Variants in MLH3 observed in about 807,000 individuals in gnomAD.
MLH3 encodes the protein mutL homolog 3.
A neutral mutation model predicts 122.2 loss-of-function variants in MLH3; 82 were observed. That is an observed-to-expected ratio of 0.67 (90% CI 0.56 to 0.81). The LOEUF is 0.81. Ranked by LOEUF, MLH3 falls within the 30% of genes least tolerant of loss-of-function variation. The pLI is 0.00. For synonymous variants in MLH3, 524 were observed against 599.5 expected (o/e 0.87, Z 1.84); for missense variants, 1,539 against 1,714.5 (o/e 0.90, Z 1.81).
chr14:75,049,636 A>G lies in MLH3; in HGVS notation c.20T>C (p.Val7Ala), dbSNP rs1249743272. MIKCLS[V>A]EVQAKLRSGL... ...AGAACGCAATTTGGCTTGTACTTCA[A>G]CTGACAAGCACTTGATCATGGTAGG... Residue 7 changes from valine (V) to alanine (A), a missense_variant, in exon 2 of 13, where the codon GTT (valine) becomes GCT (alanine). Physicochemically the swap from Val to Ala is moderately conservative, Grantham distance 64. Transcript: ENST00000355774. The G allele has an allele frequency of 1.2e-6, 2 of 1,614,020 alleles. No homozygotes were observed. The highest frequency in any genetic ancestry group is 1.3e-5 in the African/African-American group (1 of 74,928).
chr14:75,039,881 A>G (rs1249404841), intron 5 of MLH3, 30 bp downstream of exon 5: 1 of 616,460 alleles, frequency 1.6e-6, no homozygotes, highest in East Asian at 4.7e-5. Context: ...ATATATATAT[A>G]TTTATGAGAT....
chr14:75,048,157 G>C lies in MLH3; in HGVS notation c.1499C>G (p.Pro500Arg), dbSNP rs749032216. The change falls in exon 2 of 13, where the codon CCG becomes CGG. Residue 500 changes from proline (P) to arginine (R), a missense_variant. Physicochemically the swap from Pro to Arg is moderately radical, Grantham distance 103 (BLOSUM62 -2). Transcript: ENST00000355774. ...AAACATTTCTAAACTGGTTCCACACGGATTTTCTAAAGAGCTATGTTCCAG... is the reference window on the plus strand; with the variant it reads ...AAACATTTCTAAACTGGTTCCACACCGATTTTCTAAAGAGCTATGTTCCAG... ...SFLEHSSLEN[P>R]CGTSLEMFLS... is the part of the protein sequence containing the mutation. The C allele has an allele frequency of 6.2e-7, 1 of 1,614,056 alleles. No homozygotes were observed. The highest frequency in any genetic ancestry group is 8.5e-7 in the Non-Finnish European group (1 of 1,179,978).
At chr14:75,046,115 G>A (rs1892192441) in intron 2 of MLH3, among the ~76,000 whole-genome samples, 1 of 151,262 alleles carries the variant, frequency 6.6e-6, no homozygotes, top group African/African-American at 2.4e-5. Flanking sequence ...GGGGGGCAGA[G>A]GTTGCAGTGA....
intron 5 of MLH3, 36 bp downstream of exon 5, chr14:75,039,875 A>G (rs982126115): frequency 5.0e-6 from 2 of 401,960 alleles, no homozygotes; most frequent in Admixed American, 3.7e-5. Flanking sequence ...ATATATATAT[A>G]TATATATTTA....
At position 75,048,840 on chromosome 14, in the gene MLH3, T is replaced by C. The variant is rs147608238; in HGVS notation, c.816A>G (p.Leu272=). The change falls in exon 2 of 13, where the codon TTA becomes TTG. Residue 272 remains leucine (L), a synonymous_variant. Coordinates refer to ENST00000355774, the MANE Select transcript of MLH3 (RefSeq NM_001040108.2). ...GCTTGCATATAATACTTTCTTTCCT[T>C]AATAAAAAGTCAATGAGTTTATGTA... ...TKLHKLIDFL[L]RKESIICKPK... is the part of the protein sequence containing the mutation. 9 of 1,614,004 alleles carry C rather than the reference T, an allele frequency of 5.6e-6. No homozygotes were observed. In the Admixed American group the frequency reaches 1.0e-4, roughly 18 times the overall value.
chr14:75,047,046 A>T lies in MLH3; in HGVS notation c.2610T>A (p.Ser870=). ...TGGATAATTTAGAGGCTAGTGATTC[A>T]GATGACTTCTCAAGGTCCAAAGGTT... The part of the protein sequence containing the change: ...NRKPLDLEKS[S]ESLASKLSRL... The change falls in exon 2 of 13, where the codon TCT becomes TCA. Residue 870 remains serine, a synonymous_variant. Transcript: ENST00000355774. 6.2e-7 allele frequency: 1 copy of T among 1,614,204 alleles called. No homozygotes were observed. The highest frequency in any genetic ancestry group is 1.1e-5 in the South Asian group (1 of 91,084).
chr14:75,028,108 C>T (rs1003185780), intron 9 of MLH3, among the ~76,000 whole-genome samples: 1 of 151,010 alleles, frequency 6.6e-6, no homozygotes, highest in Non-Finnish European at 1.5e-5. Context: ...ATGATATTTG[C>T]TATAAAAAAA....
chr14:75,032,694 T>C (rs1891130832), intron 7 of MLH3, among the ~76,000 whole-genome samples: 1 of 151,544 alleles, frequency 6.6e-6, no homozygotes, highest in African/African-American at 2.4e-5. Context: ...AGTAATATCA[T>C]TGCCATTCTA....
chr14:75,046,881 G>C lies in MLH3; in HGVS notation c.2775C>G (p.Asn925Lys). ...LTQDFCMLFN[N>K]KHEKTENGVI... ...CACCATTCTCTGTTTTTTCATGCTT[G>C]TTGTTAAATAACATACAAAAATCTT... Residue 925 changes from asparagine to lysine, a missense_variant, in exon 2 of 13, where the codon AAC (asparagine) becomes AAG (lysine). By Grantham distance (94) the Asn-to-Lys change is moderately conservative. Coordinates refer to ENST00000355774, the MANE Select transcript of MLH3 (RefSeq NM_001040108.2). 1 of 1,613,790 alleles carries C rather than the reference G, an allele frequency of 6.2e-7. No individual in the cohort carries two copies. The highest frequency in any genetic ancestry group is 8.5e-7 in the Non-Finnish European group (1 of 1,179,938).
chr14:75,049,327 G>A lies in MLH3; in HGVS notation c.329C>T (p.Ser110Leu), dbSNP rs749113408. The A allele has an allele frequency of 1.5e-5, 24 of 1,613,990 alleles. No individual in the cohort carries two copies. The Admixed American group carries it at 2.7e-4, about 18-fold the overall frequency. ...IADMASAVEISSKKNRTMKTF... is the reference protein window; with the variant it reads ...IADMASAVEILSKKNRTMKTF... The stretch of plus-strand genomic sequence containing the variant: ...TTTCATTGTCCTGTTTTTCTTGGAC[G>A]AAATTTCCACAGCACTGGCCATGTC... The change falls in exon 2 of 13, where the codon TCG becomes TTG. Residue 110 changes from serine (S) to leucine (L), a missense_variant. Coordinates refer to ENST00000355774, the MANE Select transcript of MLH3 (RefSeq NM_001040108.2).
intron 6 of MLH3, among the ~76,000 whole-genome samples, chr14:75,033,915 C>T (rs775552171): frequency 3.3e-5 from 5 of 152,130 alleles, no homozygotes; most frequent in African/African-American, 7.2e-5. Context: ...ATAGTCAGGG[C>T]TGGGTGCAGT....
rs148735513 is a variant in MLH3 at position 75,032,269 on chromosome 14, C to G, written c.3716-90G>C. The G allele has an allele frequency of 2.1e-3, 1,676 of 813,468 alleles. 7 individuals carry two copies. The highest frequency in any genetic ancestry group is 3.8e-3 in the Middle Eastern group (17 of 4,528). The allele number at this position is 813,468 out of a possible 1,614,324, so 50.4% of individuals were successfully genotyped here. A position where few individuals can be genotyped will look rare whatever the true frequency, so the allele number is the denominator to read the frequency against. ...AAAGCACGGCCTTGAGATAATCATT[C>G]TAATGCAAAGCAGAATGTTTAATGT... On this transcript the variant is annotated intron_variant, in intron 7 of 12. Coordinates refer to ENST00000355774, the MANE Select transcript of MLH3 (RefSeq NM_001040108.2).
At chr14:75,024,469 G>T (rs1042645840) in intron 9 of MLH3, among the ~76,000 whole-genome samples, 1 of 151,620 alleles carries the variant, frequency 6.6e-6, no homozygotes, top group Non-Finnish European at 1.5e-5. Context: ...CCAAAGTGCT[G>T]GGATTACAGT....
chr14:75,022,300 C>A (rs1459542455), intron 11 of MLH3, among the ~76,000 whole-genome samples: 1 of 152,140 alleles, frequency 6.6e-6, no homozygotes, highest in Non-Finnish European at 1.5e-5. Context: ...CACATGTACC[C>A]CCTGAACCTA....
intron 5 of MLH3, 65 bp downstream of exon 5, chr14:75,039,846 C>CTTATATATATATATATAT (rs1491242181): frequency 3.8e-6 from 1 of 259,834 alleles, no homozygotes. Context: ...AGAGTTAGGC[C>CTTATATATATATATATAT]ATATATATAT....
rs758682610 is a variant in MLH3 at position 75,048,829 on chromosome 14, C to T, written c.827G>A (p.Ser276Asn). The T allele has an allele frequency of 1.2e-6, 2 of 1,614,018 alleles. No individual in the cohort carries two copies. Among genetic ancestry groups the T allele is most frequent in the African/African-American group, 1.3e-5 (1 of 74,922 alleles). The change falls in exon 2 of 13, where the codon AGT becomes AAT. Residue 276 changes from serine (S) to asparagine (N), a missense_variant. Transcript: ENST00000355774. ...KLIDFLLRKE[S>N]IICKPKNGPT... ...ACCATTCTTTGGCTTGCATATAATACTTTCTTTCCTTAATAAAAAGTCAAT... is the reference window on the plus strand; with the variant it reads ...ACCATTCTTTGGCTTGCATATAATATTTTCTTTCCTTAATAAAAAGTCAAT...
chr14:75,032,226 C>G, intron 7 of MLH3, 47 bp from the exon 8 acceptor site: 1 of 1,089,656 alleles, frequency 9.2e-7, no homozygotes. Flanking sequence ...GGGAAGTCTT[C>G]TAGATTCAGA....
In MLH3 at chr14:75,051,368, C is replaced by A. The variant is rs1376830009; in HGVS notation, c.-64+12G>T. ...GCATCATCTTTTCGTCGCGTGCTTC[C>A]CCCAGAGTCACCTGGAGTCCCGCTT... On this transcript the variant is annotated intron_variant, in intron 1 of 12. Transcript: ENST00000355774. The A allele has an allele frequency of 1.3e-5, 2 of 152,308 alleles. No homozygotes were observed. The highest frequency in any genetic ancestry group is 4.8e-5 in the African/African-American group (2 of 41,472). The allele number at this position is 152,308 out of a possible 1,614,324, so 9.4% of individuals were successfully genotyped here. A position where few individuals can be genotyped will look rare whatever the true frequency, so the allele number is the denominator to read the frequency against.
chr14:75,033,122 G>C (rs867593575), intron 7 of MLH3, among the ~76,000 whole-genome samples: 8 of 151,966 alleles, frequency 5.3e-5, no homozygotes, highest in African/African-American at 1.9e-4. Flanking sequence ...GCATATGGAG[G>C]GGCAGAGCTT....
Sources: gnomAD v4.1 joint callset for allele counts (sites outside exome capture counted in the v4.1 genomes callset) on GRCh38, gnomAD v4.1.1 for gene constraint, MANE v1.5 for transcripts, NCBI Gene and HGNC (gene_info 2026-07-23, HGNC 2026-07-21) for gene names.